The following KCNMA1 variants were observed in gnomAD, a reference collection of about 807,000 sequenced individuals.
KCNMA1 encodes the protein potassium calcium-activated channel subfamily M alpha 1.
A neutral mutation model predicts 140.0 loss-of-function variants in KCNMA1; 29 were observed. That is an observed-to-expected ratio of 0.21 (90% confidence interval 0.15 to 0.28). The LOEUF is 0.28. KCNMA1 is among the 10% of genes least tolerant of loss of function. The pLI, the probability that KCNMA1 is intolerant of heterozygous loss-of-function variation, is 1.00. For missense variants in KCNMA1, 880 were observed against 1,602.2 expected (o/e 0.55, Z 7.70); for synonymous variants, 612 against 611.9 (o/e 1.00, Z 0.00).
chr10:77,593,142 G>A (rs977579822), intron 1 of KCNMA1, among the ~76,000 whole-genome samples: 1 of 152,182 alleles, frequency 6.6e-6, no homozygotes, highest in Non-Finnish European at 1.5e-5. Flanking sequence ...AAGCAGACAT[G>A]AGTCAGGCTG....
intron 1 of KCNMA1, among the ~76,000 whole-genome samples, chr10:77,551,101 G>A (rs2062735588): frequency 1.3e-5 from 2 of 152,104 alleles, no homozygotes; most frequent in Non-Finnish European, 2.9e-5. Context: ...CGAGTAGCTG[G>A]AACTACAGGA....
chr10:77,600,012 C>T (rs534302794), intron 1 of KCNMA1, among the ~76,000 whole-genome samples: 1 of 152,198 alleles, frequency 6.6e-6, no homozygotes, highest in Non-Finnish European at 1.5e-5. Flanking sequence ...CACTGCCAAC[C>T]ATCTCCATGT....
In KCNMA1 at chr10:77,396,858, A is replaced by C. The variant is rs187951940; in HGVS notation, c.540+7004T>G. On this transcript the variant is annotated intron_variant, in intron 2 of 27. Transcript: ENST00000286628. ...ATGTAACAGCATAGGAATATGGGGA[A>C]AGTAACTACAAAGAGTGATTCTAAG... Among the ~76,000 whole-genome samples, 392 of 151,720 alleles carry C rather than the reference A, an allele frequency of 2.6e-3. 1 individual carries two copies. The highest frequency in any genetic ancestry group is 3.9e-3 in the Non-Finnish European group (267 of 67,702).
exon 28 of KCNMA1, chr10:76,870,284 C>G (rs1390564339): frequency 6.6e-6 from 1 of 152,180 alleles, no homozygotes; most frequent in Non-Finnish European, 1.5e-5. Flanking sequence ...CTGGGTCACT[C>G]CCGCAGGCGT....
rs535241563 is a variant in KCNMA1, at chr10:77,450,535, C to G, written c.379-46512G>C. On this transcript the variant is annotated intron_variant, in intron 1 of 27. Transcript: ENST00000286628. The stretch of plus-strand genomic sequence containing the variant: ...TGCAGAATTACAGACATTGCTTTCT[C>G]TTTATAATTTTTCTGTATTTGCCAA... Among the ~76,000 whole-genome samples, 21 of 152,180 alleles carry G rather than the reference C, an allele frequency of 1.4e-4. No homozygotes were observed. The South Asian group carries it at 4.2e-3, about 30-fold the overall frequency.
At chr10:77,266,778 G>GTGA (rs2063571166) in intron 2 of KCNMA1, among the ~76,000 whole-genome samples, 1 of 152,154 alleles carries the variant, frequency 6.6e-6, no homozygotes, top group African/African-American at 2.4e-5. Flanking sequence ...TCTCTTGTCT[G>GTGA]TGATCTCCTC....
chr10:77,616,258 C>G (rs1241174402), intron 1 of KCNMA1, among the ~76,000 whole-genome samples: 1 of 152,198 alleles, frequency 6.6e-6, no homozygotes, highest in African/African-American at 2.4e-5. Flanking sequence ...ACGTGCAATC[C>G]AACCTGGATG....
intron 18 of KCNMA1, among the ~76,000 whole-genome samples, chr10:77,003,427 GAA>G (rs906801777): frequency 1.3e-5 from 2 of 152,098 alleles, no homozygotes; most frequent in African/African-American, 4.8e-5. Flanking sequence ...TCAAGAAAGG[GAA>G]AAAAGTCTTC....
At chr10:77,238,262 G>A (rs1031829995) in intron 3 of KCNMA1, among the ~76,000 whole-genome samples, 3 of 152,122 alleles carry the variant, frequency 2.0e-5, no homozygotes, top group African/African-American at 7.2e-5. Flanking sequence ...GTACAGAAGT[G>A]GCAGCTTTTG....
intron 27 of KCNMA1, chr10:76,887,721 G>A: frequency 1.6e-6 from 1 of 608,794 alleles, no homozygotes. Context: ...GGCCAGCCAG[G>A]AGCCCAGGCA....
At chr10:77,284,405 T>A (rs927602368) in intron 2 of KCNMA1, among the ~76,000 whole-genome samples, 1 of 152,244 alleles carries the variant, frequency 6.6e-6, no homozygotes, top group Admixed American at 6.5e-5. Context: ...TAGGTCATCA[T>A]ACAGGCATAT....
chr10:77,609,566 A>G (rs2085978991), intron 1 of KCNMA1, among the ~76,000 whole-genome samples: 1 of 152,192 alleles, frequency 6.6e-6, no homozygotes, highest in South Asian at 2.1e-4. Flanking sequence ...ATTCTTGAAA[A>G]CTGCTAAGAA....
In KCNMA1 at chr10:77,007,056, G is replaced by A. The variant is rs113396867; in HGVS notation, c.2092+4911C>T. Among the ~76,000 whole-genome samples the A allele has an allele frequency of 1.6e-3, 248 of 152,300 alleles. 4 individuals carry two copies. The highest frequency in any genetic ancestry group is 2.8e-3 in the Non-Finnish European group (190 of 68,012). Reference sequence around the variant, plus strand: ...ATCTTCTCCAAATTCCAGAGCCATTGGACTGAACTGTTCCACAGATTGGGT... The same window carrying A: ...ATCTTCTCCAAATTCCAGAGCCATTAGACTGAACTGTTCCACAGATTGGGT... On this transcript the variant is annotated intron_variant, in intron 18 of 27. Coordinates refer to ENST00000286628, the MANE Select transcript of KCNMA1 (RefSeq NM_001161352.2).
intron 5 of KCNMA1, among the ~76,000 whole-genome samples, chr10:77,179,981 C>A (rs572601472): frequency 6.6e-6 from 1 of 152,250 alleles, no homozygotes; most frequent in Admixed American, 6.5e-5. Context: ...CAATCATATG[C>A]CGACAATTGA....
chr10:77,610,103 C>T (rs1037673800), intron 1 of KCNMA1, among the ~76,000 whole-genome samples: 2 of 152,222 alleles, frequency 1.3e-5, no homozygotes, highest in Admixed American at 6.5e-5. Context: ...TCCTGTGTGG[C>T]CCTCACTTTC....
chr10:77,508,581 C>CTTTTTTTTTTTTTTTTTTTTTTTTTT (rs761735012), intron 1 of KCNMA1, among the ~76,000 whole-genome samples: 2 of 99,874 alleles, frequency 2.0e-5, no homozygotes, highest in African/African-American at 4.3e-5. Context: ...TTTTTCTTTT[C>CTTTTTTTTTTTTTTTTTTTTTTTTTT]TTTTTTTTTT....
At position 76,952,683 on chromosome 10, in the gene KCNMA1, G is replaced by A. The variant is rs1046307126; in HGVS notation, c.2484+1118C>T. Among the ~76,000 whole-genome samples, 3 of 152,192 alleles carry A rather than the reference G, an allele frequency of 2.0e-5. No individual in the cohort carries two copies. The South Asian group carries it at 6.2e-4, about 32-fold the overall frequency. Reference sequence around the variant, plus strand: ...CTGAGACAGCCTCCAGCTTGATACTGTATTGGCTGTTAATGCTCATTTATA... The same window carrying A: ...CTGAGACAGCCTCCAGCTTGATACTATATTGGCTGTTAATGCTCATTTATA... On this transcript the variant is annotated intron_variant, in intron 21 of 27. Coordinates refer to ENST00000286628, the MANE Select transcript of KCNMA1 (RefSeq NM_001161352.2).
At chr10:76,930,431 C>T (rs2058978455) in intron 23 of KCNMA1, among the ~76,000 whole-genome samples, 1 of 152,174 alleles carries the variant, frequency 6.6e-6, no homozygotes, top group Non-Finnish European at 1.5e-5. Flanking sequence ...GATATCACCT[C>T]ATACCTGTTA....
At chr10:77,086,728 A>T (rs2096700199) in intron 10 of KCNMA1, 135 bp from the exon 11 acceptor site, 2 of 709,240 alleles carry the variant, frequency 2.8e-6, no homozygotes, top group Admixed American at 2.1e-5. Flanking sequence ...TTTGCTTGCC[A>T]TAAATAAAAG....
Sources: allele counts gnomAD v4.1 joint callset (sites outside exome capture counted in the v4.1 genomes callset), GRCh38; gene constraint gnomAD v4.1.1; transcripts MANE v1.5; gene names NCBI Gene and HGNC (gene_info 2026-07-23, HGNC 2026-07-21).